The following ERN2 variants were observed in gnomAD, a reference collection of about 807,000 sequenced individuals.
The protein encoded by ERN2 is serine/threonine-protein kinase/endoribonuclease IRE2.
Under a neutral mutation model 107.9 loss-of-function variants are expected in ERN2, and 111 were observed. That is an observed-to-expected ratio of 1.03 (90% confidence interval 0.88 to 1.20). The LOEUF (loss-of-function observed/expected upper bound fraction) is 1.20, where lower values mean the gene tolerates loss of function less well. Ranked by LOEUF, ERN2 falls within the 50% of genes most tolerant of loss-of-function variation. ERN2 has a pLI of 0.00. For synonymous variants in ERN2, 524 were observed against 501.7 expected (o/e 1.04, Z -0.59); for missense variants, 1,225 against 1,197.9 (o/e 1.02, Z -0.33).
intron 4 of ERN2, among the ~76,000 whole-genome samples, chr16:23,708,534 T>G (rs1960416167): frequency 6.6e-6 from 1 of 151,872 alleles, no homozygotes; most frequent in Non-Finnish European, 1.5e-5. Context: ...TTTTTGTATT[T>G]TTTGGTAGAG....
chr16:23,698,289 T>C (rs1408540264), intron 13 of ERN2, among the ~76,000 whole-genome samples: 1 of 152,206 alleles, frequency 6.6e-6, no homozygotes, highest in East Asian at 1.9e-4. Flanking sequence ...GGGGTAAGGA[T>C]GGGAGTTGTC....
intron 17 of ERN2, among the ~76,000 whole-genome samples, chr16:23,693,373 G>C (rs1343546431): frequency 2.6e-5 from 4 of 151,920 alleles, no homozygotes; most frequent in Non-Finnish European, 4.4e-5. Context: ...AATCACCTGA[G>C]GGCTGGGAGT....
chr16:23,707,056 C>A lies in ERN2; in HGVS notation c.330G>T (p.Glu110Asp), dbSNP rs747453622. ...GLMKLPFTIP[E>D]LVHASPCRSS... ...TGCGGCAGGGAGAGGCATGAACCAG[C>A]TCAGGGATGGTGAATGGCAGTTTCT... The change falls in exon 5 of 22, where the codon GAG becomes GAT. Residue 110 changes from glutamate (E) to aspartate (D), a missense_variant. Transcript: ENST00000256797. The A allele has an allele frequency of 6.2e-7, 1 of 1,614,158 alleles. No homozygotes were observed. The highest frequency in any genetic ancestry group is 8.5e-7 in the Non-Finnish European group (1 of 1,179,994).
At chr16:23,707,144 T>G (rs1210620952) in intron 4 of ERN2, 65 bp from the exon 5 acceptor site, 2 of 1,132,176 alleles carry the variant, frequency 1.8e-6, no homozygotes, top group Non-Finnish European at 2.7e-6. Flanking sequence ...CTGTGCCAGG[T>G]GAGCCCATTT....
chr16:23,696,318 T>A (rs960058633), intron 13 of ERN2, among the ~76,000 whole-genome samples: 2 of 152,028 alleles, frequency 1.3e-5, no homozygotes, highest in African/African-American at 2.4e-5. Flanking sequence ...TATATTATCC[T>A]CTTTTATTTC....
intron 11 of ERN2, 141 bp downstream of exon 11, chr16:23,702,011 C>G (rs1263607830): frequency 3.6e-6 from 3 of 841,284 alleles, no homozygotes; most frequent in Admixed American, 5.4e-5. Flanking sequence ...TTGTTCCCAA[C>G]AAAAAGTCTG....
At chr16:23,706,289 G>A in intron 7 of ERN2, 41 bp downstream of exon 7, 1 of 1,363,446 alleles carries the variant, frequency 7.3e-7, no homozygotes, top group Non-Finnish European at 9.9e-7. Flanking sequence ...CTGGGTTGGG[G>A]ACCTTGCTCC....
At chr16:23,693,558 C>T (rs1959683053) in intron 17 of ERN2, among the ~76,000 whole-genome samples, 1 of 150,516 alleles carries the variant, frequency 6.6e-6, no homozygotes, top group African/African-American at 2.4e-5. Flanking sequence ...CACTGCACTC[C>T]AGCTTGGGCA....
rs747115418 is a variant in ERN2, at chr16:23,692,094, G to T, written c.2249-4C>A. The stretch of plus-strand genomic sequence containing the variant: ...AGGTCCCGGGCAACCACCTTGTCTG[G>T]AGGATGGAAGAGGAGGAGGAGAGTC... On this transcript the variant is annotated splice_polypyrimidine_tract_variant and splice_region_variant and intron_variant, in intron 18 of 21. Coordinates refer to ENST00000256797, the MANE Select transcript of ERN2 (RefSeq NM_033266.4). 1 of 1,613,776 alleles carries T rather than the reference G, an allele frequency of 6.2e-7. No homozygotes were observed. The highest frequency in any genetic ancestry group is 8.5e-7 in the Non-Finnish European group (1 of 1,180,030).
intron 14 of ERN2, 150 bp downstream of exon 14, chr16:23,695,744 A>AAAAC: frequency 1.7e-6 from 1 of 598,432 alleles, no homozygotes; most frequent in Non-Finnish European, 2.9e-6. Context: ...AAAAAAAAAA[A>AAAAC]AAACAGATAA....
In ERN2 at chr16:23,691,025, G is replaced by C; in HGVS notation, c.2587C>G (p.Leu863Val). The C allele has an allele frequency of 1.9e-6, 3 of 1,614,206 alleles. No individual in the cohort carries two copies. The highest frequency in any genetic ancestry group is 2.5e-6 in the Non-Finnish European group (3 of 1,180,032). The change falls in exon 22 of 22, where the codon CTC becomes GTC. Residue 863 changes from leucine (L) to valine (V), a missense_variant. By Grantham distance (32) the Leu-to-Val change is conservative. Transcript: ENST00000256797. The part of the protein sequence containing the change: ...VRNKKHHYRE[L>V]PVEVRQALGQ... ...AGTGCCTGTCGCACCTCAACTGGGA[G>C]CTCCCTGTAGTGGTGCTTCTGTGGG...
chr16:23,690,595 C>G lies in ERN2; in HGVS notation c.*236G>C. The stretch of plus-strand genomic sequence containing the variant: ...TCAGCCTCCCAAGCAGCTGGGACTA[C>G]AGGCGTGCGCCACCATGCCTGGCTA... On this transcript the variant is annotated 3_prime_UTR_variant, in exon 22 of 22. Coordinates refer to ENST00000256797, the MANE Select transcript of ERN2 (RefSeq NM_033266.4). The G allele has an allele frequency of 1.8e-6, 1 of 546,652 alleles. No individual in the cohort carries two copies. The highest frequency in any genetic ancestry group is 2.0e-5 in the South Asian group (1 of 49,172). 33.9% of individuals were successfully genotyped at this position (546,652 alleles called of 1,614,324 possible). A position where few individuals can be genotyped will look rare whatever the true frequency, so the allele number is the denominator to read the frequency against.
Position 23,692,321 on chromosome 16 carries a change from A to G in ERN2, c.2111T>C (p.Val704Ala). ...CACGCAGCCTGCAGAGAAGATGTCCACAGCGCTGGTCTGGAGCCAGAGAGA... is the reference window on the plus strand; with the variant it reads ...CACGCAGCCTGCAGAGAAGATGTCCGCAGCGCTGGTCTGGAGCCAGAGAGA... Reference protein sequence around the residue: ...LLPPDSPTSAVDIFSAGCVFY... With the variant: ...LLPPDSPTSAADIFSAGCVFY... The change falls in exon 18 of 22, where the codon GTG becomes GCG. Residue 704 changes from valine (V) to alanine (A), a missense_variant. By Grantham distance (64) the Val-to-Ala change is moderately conservative. Transcript: ENST00000256797. 2 of 1,613,180 alleles carry G rather than the reference A, an allele frequency of 1.2e-6. No individual in the cohort carries two copies. Among genetic ancestry groups the G allele is most frequent in the African/African-American group, 1.3e-5 (1 of 75,054 alleles).
intron 13 of ERN2, among the ~76,000 whole-genome samples, chr16:23,699,677 C>A (rs1308198708): frequency 1.3e-5 from 2 of 152,110 alleles, no homozygotes; most frequent in African/African-American, 2.4e-5. Flanking sequence ...CCCACCTTGG[C>A]CTCTGAAAGT....
Position 23,711,140 on chromosome 16 carries a change from G to A in ERN2, c.94-122C>T, listed in dbSNP as rs573749932. On this transcript the variant is annotated intron_variant, in intron 1 of 21. Transcript: ENST00000256797. Reference sequence around the variant, plus strand: ...AGATGGGGATGCAGCAGGGGAGGAAGGGTGATTGGGGAACGTGCTGGTGTC... The same window carrying A: ...AGATGGGGATGCAGCAGGGGAGGAAAGGTGATTGGGGAACGTGCTGGTGTC... 778 of 643,562 alleles carry A rather than the reference G, an allele frequency of 1.2e-3. 14 individuals carry two copies. Among genetic ancestry groups the A allele is most frequent in the South Asian group, 8.6e-3 (472 of 54,572 alleles). 39.9% of individuals were successfully genotyped at this position (643,562 alleles called of 1,614,324 possible).
chr16:23,706,621 T>G, intron 6 of ERN2, 133 bp downstream of exon 6: 1 of 762,624 alleles, frequency 1.3e-6, no homozygotes, highest in East Asian at 2.5e-5. Context: ...CCTAGTTCAG[T>G]GCTCTGTAGA....
Position 23,702,460 on chromosome 16 carries a change from C to G in ERN2, c.1011G>C (p.Glu337Asp). ...ATCTAACAGCAGTGCTGGGTGAGCC[C>G]TCTCGCTCTCCTGAGACTTGGAGTG... ...EVTLQVSGER[E>D]GSPSTAVRYP... is the part of the protein sequence containing the mutation. The change falls in exon 10 of 22, where the codon GAG becomes GAC. Residue 337 changes from glutamate to aspartate, a missense_variant. Physicochemically the swap from Glu to Asp is conservative, Grantham distance 45. Coordinates refer to ENST00000256797, the MANE Select transcript of ERN2 (RefSeq NM_033266.4). The G allele has an allele frequency of 1.2e-6, 2 of 1,613,502 alleles. No homozygotes were observed. Among genetic ancestry groups the G allele is most frequent in the Non-Finnish European group, 1.7e-6 (2 of 1,180,032 alleles).
Position 23,692,788 on chromosome 16 carries a change from G to A in ERN2, c.2101-457C>T, listed in dbSNP as rs186446529. 5.1e-3 allele frequency among the ~76,000 whole-genome samples: 771 copies of A among 151,704 alleles called. 4 individuals carry two copies. Among genetic ancestry groups the A allele is most frequent in the South Asian group, 0.011 (53 of 4,800 alleles). On this transcript the variant is annotated intron_variant, in intron 17 of 21. Transcript: ENST00000256797. ...GTTGCCCAGGCTAGAGTGCAGTGGC[G>A]CAACCACAGCTCACTGTAACCTCAA... is the stretch of plus-strand genomic sequence containing the variant.
chr16:23,713,194 TG>T lies in ERN2; in HGVS notation c.-8del. The T allele has an allele frequency of 6.3e-7, 1 of 1,579,494 alleles. No individual in the cohort carries two copies. The highest frequency in any genetic ancestry group is 2.3e-5 in the East Asian group (1 of 42,880). On this transcript the variant is annotated 5_prime_UTR_variant, in exon 1 of 22. Coordinates refer to ENST00000256797, the MANE Select transcript of ERN2 (RefSeq NM_033266.4). Reference sequence around the variant, plus strand: ...CCCTGACCGCACTCGCCATAGCGCCTGGGCAGCTGCACGGCTGGCCAGGTCC... The same window carrying T: ...CCCTGACCGCACTCGCCATAGCGCCTGGCAGCTGCACGGCTGGCCAGGTCC...
Sources: gnomAD v4.1 joint callset for allele counts (sites outside exome capture counted in the v4.1 genomes callset) on GRCh38, gnomAD v4.1.1 for gene constraint, MANE v1.5 for transcripts, NCBI Gene and HGNC (gene_info 2026-07-23, HGNC 2026-07-21) for gene names.